The following KLRF1 variants were observed in gnomAD, a reference collection of about 807,000 sequenced individuals.
KLRF1 encodes killer cell lectin like receptor F1, also known as killer cell lectin-like receptor subfamily F member 1.
Under a neutral mutation model 30.7 loss-of-function variants are expected in KLRF1, and 27 were observed. The observed-to-expected ratio is 0.88, with a 90% CI of 0.65 to 1.21. KLRF1 has a LOEUF of 1.21. Ranked by LOEUF, KLRF1 falls within the 50% of genes most tolerant of loss-of-function variation. The pLI is 0.00. For missense variants in KLRF1, 246 were observed against 259.3 expected (o/e 0.95, Z 0.35); for synonymous variants, 92 against 89.3 (o/e 1.03, Z -0.17).
intron 3 of KLRF1, among the ~76,000 whole-genome samples, chr12:9,838,439 T>G (rs1166507925): frequency 6.6e-6 from 1 of 152,096 alleles, no homozygotes; most frequent in Non-Finnish European, 1.5e-5. Context: ...AAAAGATGCT[T>G]TCATCCCGGT....
the KLRF1 span, among the ~76,000 whole-genome samples, chr12:9,820,664 G>A: frequency 6.6e-6 from 1 of 152,138 alleles, no homozygotes; most frequent in African/African-American, 2.4e-5. Context: ...CGCTGGACAT[G>A]GTACTGCAGC....
At chr12:9,836,856 C>T (rs138191967) in intron 3 of KLRF1, among the ~76,000 whole-genome samples, 39 of 152,066 alleles carry the variant, frequency 2.6e-4, no homozygotes, top group Middle Eastern at 6.8e-3. Flanking sequence ...AAAATTAAGG[C>T]GGCTTTGGTA....
the KLRF1 span, among the ~76,000 whole-genome samples, chr12:9,809,293 T>C: frequency 6.6e-6 from 1 of 152,134 alleles, no homozygotes; most frequent in Non-Finnish European, 1.5e-5. Flanking sequence ...CAAATATATC[T>C]AAAAAGAAAG....
At chr12:9,833,234 T>C (rs1323452782) in intron 2 of KLRF1, 69 bp from the exon 3 acceptor site, 3 of 1,063,580 alleles carry the variant, frequency 2.8e-6, no homozygotes, top group Non-Finnish European at 3.9e-6. Context: ...AATCATTCCA[T>C]TGAATGTGTC....
intron 3 of KLRF1, among the ~76,000 whole-genome samples, chr12:9,834,124 A>G (rs1038990870): frequency 6.7e-6 from 1 of 148,488 alleles, no homozygotes; most frequent in African/African-American, 2.6e-5. Context: ...TTGAGCCACG[A>G]TGAGCCAGGA....
chr12:9,809,375 T>G, the KLRF1 span, among the ~76,000 whole-genome samples: 3 of 152,308 alleles, frequency 2.0e-5, no homozygotes, highest in Middle Eastern at 6.8e-3. Context: ...TCAAACCATC[T>G]TAACTTTCTC....
the KLRF1 span, chr12:9,817,211 C>T: frequency 5.5e-6 from 1 of 182,688 alleles, no homozygotes; most frequent in South Asian, 1.0e-4. Flanking sequence ...TCTAATATTA[C>T]TTAACAGTAT....
chr12:9,829,244 A>C (rs991345371), intron 1 of KLRF1, among the ~76,000 whole-genome samples: 1 of 152,180 alleles, frequency 6.6e-6, no homozygotes, highest in Non-Finnish European at 1.5e-5. Flanking sequence ...AACAGATTAA[A>C]ATGTTTTGCG....
chr12:9,821,498 C>A, the KLRF1 span, among the ~76,000 whole-genome samples: 12 of 152,150 alleles, frequency 7.9e-5, no homozygotes, highest in African/African-American at 2.9e-4. Flanking sequence ...AGCAGAGAAA[C>A]CCTGGTTTGG....
chr12:9,802,986 A>G, the KLRF1 span, among the ~76,000 whole-genome samples: 2 of 152,158 alleles, frequency 1.3e-5, no homozygotes, highest in Non-Finnish European at 2.9e-5. Context: ...GAACCAAAAA[A>G]GAGCCCGTAA....
At chr12:9,830,716 C>T (rs1410364735) in intron 1 of KLRF1, among the ~76,000 whole-genome samples, 2 of 151,148 alleles carry the variant, frequency 1.3e-5, no homozygotes. Context: ...CTTTATATTC[C>T]TAGAATAAAC....
intron 2 of KLRF1, among the ~76,000 whole-genome samples, chr12:9,832,978 G>A (rs1241901404): frequency 6.6e-6 from 1 of 152,020 alleles, no homozygotes; most frequent in Non-Finnish European, 1.5e-5. Context: ...TACAGTGTTG[G>A]AGGCTGCAGA....
chr12:9,805,663 TA>T, the KLRF1 span, among the ~76,000 whole-genome samples: 1 of 152,072 alleles, frequency 6.6e-6, no homozygotes, highest in African/African-American at 2.4e-5. Context: ...GACTTTTCCT[TA>T]GGAAGTTTTA....
the KLRF1 span, among the ~76,000 whole-genome samples, chr12:9,803,285 C>T: frequency 2.0e-5 from 3 of 152,038 alleles, no homozygotes; most frequent in South Asian, 2.1e-4. Flanking sequence ...TGGACCTCTT[C>T]GTTGCACCTT....
Position 9,841,764 on chromosome 12 carries a change from G to C in KLRF1, c.335-48G>C, listed in dbSNP as rs138461671. 2.4e-4 allele frequency: 354 copies of C among 1,456,822 alleles called. 3 individuals are homozygous for C. The African/African-American group carries it at 4.5e-3, about 18-fold the overall frequency. 90.2% of individuals were successfully genotyped at this position (1,456,822 alleles called of 1,614,324 possible). A position where few individuals can be genotyped will look rare whatever the true frequency, so the allele number is the denominator to read the frequency against. On this transcript the variant is annotated intron_variant, in intron 3 of 5. Coordinates refer to ENST00000617889, the MANE Select transcript of KLRF1 (RefSeq NM_016523.3). ...ATTGTTCTTATGGCCAATTTTCAGA[G>C]ATGCATATGTAATTTAATTTCATTT...
the KLRF1 span, among the ~76,000 whole-genome samples, chr12:9,800,488 A>G: frequency 1.3e-5 from 2 of 151,970 alleles, no homozygotes; most frequent in African/African-American, 4.8e-5. Flanking sequence ...CTGAGTCTCC[A>G]AAGTCCATTA....
chr12:9,829,598 A>G (rs1439165072), intron 1 of KLRF1, among the ~76,000 whole-genome samples: 1 of 152,146 alleles, frequency 6.6e-6, no homozygotes, highest in African/African-American at 2.4e-5. Flanking sequence ...TACAAACAAT[A>G]GAGATAAAAA....
At chr12:9,803,935 A>G in the KLRF1 span, among the ~76,000 whole-genome samples, 2 of 151,972 alleles carry the variant, frequency 1.3e-5, no homozygotes, top group Non-Finnish European at 1.5e-5. Context: ...TTCCCTCTCC[A>G]TATAAACCTT....
the KLRF1 span, among the ~76,000 whole-genome samples, chr12:9,813,155 T>A: frequency 6.6e-6 from 1 of 151,844 alleles, no homozygotes; most frequent in Non-Finnish European, 1.5e-5. Context: ...AATTAATTAA[T>A]TTATTATTAT....
Sources: gnomAD v4.1 joint callset for allele counts (sites outside exome capture counted in the v4.1 genomes callset) on GRCh38, gnomAD v4.1.1 for gene constraint, MANE v1.5 for transcripts, NCBI Gene and HGNC (gene_info 2026-07-23, HGNC 2026-07-21) for gene names.